Variants in NAV2 observed in about 807,000 individuals in gnomAD.
NAV2 encodes the protein neuron navigator 2.
In NAV2, 54 loss-of-function variants were observed where a neutral mutation model predicts 223.2. The ratio of observed to expected loss-of-function variants is 0.24; its 90% CI spans 0.19 to 0.30. The LOEUF is 0.30. Ranked by LOEUF, NAV2 falls within the 10% of genes least tolerant of loss-of-function variation. NAV2 has a pLI of 1.00. For missense variants in NAV2, 2,806 were observed against 3,147.5 expected (o/e 0.89, Z 2.60); for synonymous variants, 1,279 against 1,239.3 (o/e 1.03, Z -0.67).
intron 29 of NAV2, among the ~76,000 whole-genome samples, chr11:20,095,096 T>A (rs2061153572): frequency 6.6e-6 from 1 of 152,200 alleles, no homozygotes; most frequent in Admixed American, 6.5e-5. Flanking sequence ...ATAAATGTTA[T>A]TTAAAAACAA....
chr11:19,349,753 G>T (rs893760895), upstream of NAV2, among the ~76,000 whole-genome samples: 3 of 152,132 alleles, frequency 2.0e-5, no homozygotes, highest in African/African-American at 7.2e-5. Context: ...CTATTTATGG[G>T]AGGGTGTACC....
chr11:19,971,520 C>T (rs1381034688), intron 10 of NAV2, among the ~76,000 whole-genome samples: 1 of 152,120 alleles, frequency 6.6e-6, no homozygotes, highest in Non-Finnish European at 1.5e-5. Flanking sequence ...CCCGGTAACA[C>T]CCCAGCCACA....
At chr11:19,350,429 G>A (rs558883161), upstream of NAV2, among the ~76,000 whole-genome samples, 2 of 152,360 alleles carry the variant, frequency 1.3e-5, no homozygotes, top group Non-Finnish European at 2.9e-5. Context: ...CCACCGCTGT[G>A]ATGAACGCTT....
rs775470568 is a variant in NAV2, at chr11:19,948,898, T to C, written c.2463T>C (p.Tyr821=). ...TCATCAACACTGAGTCAGGTCGCTA[T>C]GTGTACTCCGCCCCTCTGAGAAGGC... The part of the protein sequence containing the change: ...SRFINTESGR[Y]VYSAPLRRQL... Residue 821 remains tyrosine, a synonymous_variant, in exon 10 of 38, where the codon TAT becomes TAC. Coordinates refer to ENST00000349880, the MANE Select transcript of NAV2 (RefSeq NM_145117.5). 1.2e-6 allele frequency: 2 copies of C among 1,613,884 alleles called. No individual in the cohort carries two copies. The highest frequency in any genetic ancestry group is 2.7e-5 in the African/African-American group (2 of 74,864).
At chr11:20,095,926 G>A (rs2061232764) in intron 30 of NAV2, among the ~76,000 whole-genome samples, 159 bp downstream of exon 30, 1 of 152,144 alleles carries the variant, frequency 6.6e-6, no homozygotes, top group Non-Finnish European at 1.5e-5. Flanking sequence ...GGCTCTCAAG[G>A]GAATGGAAGG....
At chr11:19,993,535 C>A (rs1591572762) in intron 11 of NAV2, among the ~76,000 whole-genome samples, 1 of 152,188 alleles carries the variant, frequency 6.6e-6, no homozygotes, top group East Asian at 1.9e-4. Context: ...GACTATCATG[C>A]TTTTATCACA....
intron 1 of NAV2, among the ~76,000 whole-genome samples, chr11:19,476,890 A>G (rs1008719450): frequency 2.0e-5 from 3 of 152,202 alleles, no homozygotes; most frequent in Non-Finnish European, 4.4e-5. Context: ...GCCCTGGACC[A>G]GCAGCCCCAG....
intron 1 of NAV2, among the ~76,000 whole-genome samples, chr11:19,628,807 C>T (rs780524148): frequency 6.6e-6 from 1 of 152,166 alleles, no homozygotes; most frequent in African/African-American, 2.4e-5. Context: ...GGTCCCCTAC[C>T]CTTCTAGTCT....
chr11:20,092,316 G>A lies in NAV2; in HGVS notation c.5763G>A (p.Gln1921=), dbSNP rs1185347029. ...SQVSISASPR[Q]SMGLSQHSLN... ...TGTCCATCTCTGCCTCCCCGAGGCA[G>A]TCCATGGGCCTCTCCCAGCACAGCT... The change falls in exon 28 of 38, where the codon CAG becomes CAA. Residue 1921 remains glutamine, a synonymous_variant. Coordinates refer to ENST00000349880, the MANE Select transcript of NAV2 (RefSeq NM_145117.5). 9.9e-6 allele frequency: 16 copies of A among 1,614,182 alleles called. No individual in the cohort carries two copies. The highest frequency in any genetic ancestry group is 1.4e-5 in the Non-Finnish European group (16 of 1,180,024).
intron 4 of NAV2, among the ~76,000 whole-genome samples, chr11:19,878,354 A>G (rs568695860): frequency 3.8e-4 from 58 of 152,192 alleles, no homozygotes; most frequent in Non-Finnish European, 1.9e-4. Context: ...GAAGGACTTC[A>G]CTGTTTAAAG....
At chr11:19,936,390 C>A (rs553672496) in intron 7 of NAV2, among the ~76,000 whole-genome samples, 4 of 152,120 alleles carry the variant, frequency 2.6e-5, no homozygotes, top group Non-Finnish European at 4.4e-5. Context: ...AAAGATATAA[C>A]CTTTTTTTAT....
At chr11:19,916,165 GA>G (rs2043789990) in intron 6 of NAV2, among the ~76,000 whole-genome samples, 1 of 152,154 alleles carries the variant, frequency 6.6e-6, no homozygotes, top group African/African-American at 2.4e-5. Context: ...AAGAGCAAAT[GA>G]AAAGGAAATA....
intron 1 of NAV2, among the ~76,000 whole-genome samples, chr11:19,664,923 T>A (rs1406396785): frequency 6.6e-6 from 1 of 152,224 alleles, no homozygotes; most frequent in Non-Finnish European, 1.5e-5. Context: ...TATATCTGCT[T>A]CACAGAGGAA....
At chr11:19,556,904 G>C (rs2044913689) in intron 1 of NAV2, among the ~76,000 whole-genome samples, 1 of 152,078 alleles carries the variant, frequency 6.6e-6, no homozygotes. Flanking sequence ...TCCTATCCAA[G>C]TTCATGTACT....
At chr11:19,481,793 A>G (rs918139863) in intron 1 of NAV2, among the ~76,000 whole-genome samples, 5 of 152,236 alleles carry the variant, frequency 3.3e-5, no homozygotes, top group Non-Finnish European at 5.9e-5. Context: ...TTTCATGCAT[A>G]CCAAGGTGCT....
rs148513005 is a variant in NAV2, at chr11:19,946,454, C to A, written c.2200C>A (p.Arg734=). The A allele has an allele frequency of 6.2e-7, 1 of 1,613,676 alleles. No homozygotes were observed. The highest frequency in any genetic ancestry group is 8.5e-7 in the Non-Finnish European group (1 of 1,179,870). Residue 734 remains arginine (R), a synonymous_variant, in exon 9 of 38, where the codon CGG becomes AGG. Transcript: ENST00000349880. ...GACAGTGAAGAACATCGCTGATCTG[C>A]GGCAGAATTTGGAGGAAACCATGTC... ...LRTVKNIADL[R]QNLEETMSSL...
chr11:19,510,818 T>A (rs2043256386), intron 1 of NAV2: 1 of 152,218 alleles, frequency 6.6e-6, no homozygotes, highest in Non-Finnish European at 1.5e-5. Flanking sequence ...TCTTGAGTTA[T>A]CCTTGGCAGC....
chr11:19,753,719 G>C (rs914508784), intron 1 of NAV2, among the ~76,000 whole-genome samples: 2 of 152,240 alleles, frequency 1.3e-5, no homozygotes, highest in African/African-American at 4.8e-5. Context: ...CAGAACAGGT[G>C]GGGGTGGACC....
At chr11:19,412,130 G>A (rs2133402205) in intron 1 of NAV2, among the ~76,000 whole-genome samples, 1 of 152,268 alleles carries the variant, frequency 6.6e-6, no homozygotes, top group Middle Eastern at 3.4e-3. Flanking sequence ...GTCTAGCTCA[G>A]CAGCTCCCAC....
Sources: allele counts gnomAD v4.1 joint callset (sites outside exome capture counted in the v4.1 genomes callset), GRCh38; gene constraint gnomAD v4.1.1; transcripts MANE v1.5; gene names NCBI Gene and HGNC (gene_info 2026-07-23, HGNC 2026-07-21).